The following ZNF658 variants were observed in gnomAD, a reference collection of about 807,000 sequenced individuals.
The protein encoded by ZNF658 is zinc finger protein 658.
A neutral mutation model predicts 78.0 loss-of-function variants in ZNF658; 46 were observed. The ratio of observed to expected loss-of-function variants is 0.59; its 90% CI spans 0.47 to 0.75. ZNF658 has a LOEUF of 0.75. Ranked by LOEUF, ZNF658 falls within the 30% of genes least tolerant of loss-of-function variation. The pLI, the probability that ZNF658 is intolerant of heterozygous loss-of-function variation, is 0.00. For synonymous variants in ZNF658, 279 were observed against 408.4 expected (o/e 0.68, Z 3.82); for missense variants, 785 against 1,189.3 (o/e 0.66, Z 5.00).
chr9:66,929,538 T>A (rs1822619579), intron 6 of ZNF658, among the ~76,000 whole-genome samples: 2 of 151,904 alleles, frequency 1.3e-5, no homozygotes, highest in Admixed American at 1.3e-4. Flanking sequence ...TCTGGAATGT[T>A]TCTTCCAGGA....
intron 2 of ZNF658, among the ~76,000 whole-genome samples, chr9:66,904,712 A>T (rs1822033357): frequency 6.6e-6 from 1 of 152,086 alleles, no homozygotes; most frequent in South Asian, 2.1e-4. Context: ...TCTGAGCCCC[A>T]AACAACCACT....
At chr9:66,902,893 TTTTTTCTA>T (rs1821985257) in intron 1 of ZNF658, 1 of 151,910 alleles carries the variant, frequency 6.6e-6, no homozygotes, top group Non-Finnish European at 1.5e-5. Context: ...TATTTTTTAT[TTTTTTCTA>T]TTTTTAGTAG....
chr9:66,914,150 T>C (rs1822279191), intron 4 of ZNF658, among the ~76,000 whole-genome samples: 1 of 151,490 alleles, frequency 6.6e-6, no homozygotes, highest in African/African-American at 2.5e-5. Flanking sequence ...AGTCTTCCAG[T>C]CCATACACAA....
At chr9:66,909,321 G>C (rs949297911) in intron 4 of ZNF658, among the ~76,000 whole-genome samples, 2 of 151,084 alleles carry the variant, frequency 1.3e-5, no homozygotes, top group African/African-American at 4.9e-5. Context: ...GCCTATTTTA[G>C]ACATTTTGTA....
At chr9:66,922,429 C>T (rs1411770443), downstream of ZNF658, among the ~76,000 whole-genome samples, 1 of 146,476 alleles carries the variant, frequency 6.8e-6, no homozygotes, top group Non-Finnish European at 1.5e-5. Context: ...CTGCGTCACT[C>T]ACGCTGGGAG....
chr9:66,903,310 C>G (rs1449334398), intron 1 of ZNF658: 1 of 504,446 alleles, frequency 2.0e-6, no homozygotes, highest in African/African-American at 1.9e-5. Context: ...AAGGGACATT[C>G]TGCATTGGGA....
chr9:66,927,302 A>G (rs1430357256), intron 6 of ZNF658, among the ~76,000 whole-genome samples: 3 of 150,800 alleles, frequency 2.0e-5, no homozygotes, highest in East Asian at 2.0e-4. Context: ...CAAAACCACA[A>G]TGAAATATTT....
At position 66,921,426 on chromosome 9, in the gene ZNF658, A is replaced by G. The variant is rs1822524826; in HGVS notation, c.*680A>G. 6.6e-6 allele frequency: 1 copy of G among 150,926 alleles called. No homozygotes were observed. The highest frequency in any genetic ancestry group is 1.5e-5 in the Non-Finnish European group (1 of 67,778). The allele number at this position is 150,926 out of a possible 1,614,324, so 9.3% of individuals were successfully genotyped here. A position where few individuals can be genotyped will look rare whatever the true frequency, so the allele number is the denominator to read the frequency against. On this transcript the variant is annotated 3_prime_UTR_variant, in exon 5 of 5. Coordinates refer to ENST00000621410, the MANE Select transcript of ZNF658 (RefSeq NM_033160.7). The stretch of plus-strand genomic sequence containing the variant: ...TAATAAAATTTCATATTTTGAATAA[A>G]TGACATTTTTCCTAGGTATTTTTTT...
chr9:66,913,576 AAT>A (rs1208425011), intron 4 of ZNF658, among the ~76,000 whole-genome samples: 2 of 152,132 alleles, frequency 1.3e-5, no homozygotes, highest in African/African-American at 4.8e-5. Flanking sequence ...ACTAAAACTG[AAT>A]ATTAATTTTG....
At chr9:66,915,849 CT>C (rs1431247306) in intron 4 of ZNF658, among the ~76,000 whole-genome samples, 1 of 131,432 alleles carries the variant, frequency 7.6e-6, no homozygotes, top group Non-Finnish European at 1.6e-5. Context: ...AATGTCCTGT[CT>C]TTATCTAGTT....
intron 4 of ZNF658, among the ~76,000 whole-genome samples, chr9:66,909,414 T>A (rs1822161375): frequency 6.6e-6 from 1 of 150,922 alleles, no homozygotes; most frequent in Admixed American, 6.6e-5. Flanking sequence ...AATACATGTT[T>A]CATTCTTTTT....
chr9:66,901,564 A>T (rs1383208306), intron 1 of ZNF658, among the ~76,000 whole-genome samples: 5 of 151,706 alleles, frequency 3.3e-5, no homozygotes, highest in Admixed American at 1.3e-4. Flanking sequence ...ATCCTCTTGT[A>T]CTGTTCCCGC....
At chr9:66,908,055 TAGAG>T (rs1822120467) in intron 2 of ZNF658, among the ~76,000 whole-genome samples, 179 bp from the exon 3 acceptor site, 1 of 151,230 alleles carries the variant, frequency 6.6e-6, no homozygotes, top group Admixed American at 6.6e-5. Flanking sequence ...CATAAATACA[TAGAG>T]AAATTATGGC....
chr9:66,907,646 A>T (rs574993608), intron 2 of ZNF658, among the ~76,000 whole-genome samples: 15 of 152,330 alleles, frequency 9.8e-5, no homozygotes, highest in Non-Finnish European at 1.9e-4. Flanking sequence ...TTTTTTTAAA[A>T]GGAGCTTCTC....
intron 1 of ZNF658, among the ~76,000 whole-genome samples, chr9:66,901,992 A>G (rs567387765): frequency 1.0e-3 from 159 of 152,304 alleles, no homozygotes; most frequent in African/African-American, 3.8e-3. Flanking sequence ...TAAAAAGAAG[A>G]GGCAGGCAAA....
chr9:66,916,463 T>G (rs1241825166), intron 4 of ZNF658, among the ~76,000 whole-genome samples: 2 of 146,682 alleles, frequency 1.4e-5, no homozygotes, highest in Non-Finnish European at 3.0e-5. Context: ...TCTTACAGTC[T>G]AGAATATAGT....
Position 66,908,438 on chromosome 9 carries a change from C to T in ZNF658, c.142+74C>T, listed in dbSNP as rs552813376. 4.4e-5 allele frequency: 70 copies of T among 1,599,746 alleles called. No individual in the cohort carries two copies. In the East Asian group the frequency reaches 1.5e-3, roughly 33 times the overall value. ...TAAAAAGTATCAAAACACATGGACC[C>T]TTTATAGAGATTAAAGGGCTTTGGA... On this transcript the variant is annotated intron_variant, in intron 3 of 4. Transcript: ENST00000621410.
rs1208708730 is a variant in ZNF658, at chr9:66,903,252, A to C, written c.-44-266A>C. The C allele has an allele frequency of 2.4e-5, 9 of 378,804 alleles. No individual in the cohort carries two copies. In the Admixed American group the frequency reaches 2.4e-4, roughly 10 times the overall value. The allele number at this position is 378,804 out of a possible 1,614,324, so 23.5% of individuals were successfully genotyped here. On this transcript the variant is annotated intron_variant, in intron 1 of 4. Coordinates refer to ENST00000621410, the MANE Select transcript of ZNF658 (RefSeq NM_033160.7). Reference sequence around the variant, plus strand: ...AATCGTATCAGAGATGCACATATTCAGGTGTGGCTATCTTTGAGTGGTCCT... The same window carrying C: ...AATCGTATCAGAGATGCACATATTCCGGTGTGGCTATCTTTGAGTGGTCCT...
Position 66,917,915 on chromosome 9 carries a change from A to G in ZNF658, c.349A>G (p.Lys117Glu), listed in dbSNP as rs565007804. ...ADKTLSKEGQ[K>E]VLEKPFNLEI... ...CAAAACATTGAGTAAAGAAGGACAG[A>G]AAGTTTTAGAAAAACCATTTAATCT... Residue 117 changes from lysine (K) to glutamate (E), a missense_variant, in exon 5 of 5, where the codon AAA becomes GAA. This residue lies in a region of ZNF658 where 54 missense variants were observed against 48.9 expected (regional missense o/e 1.10). Coordinates refer to ENST00000621410, the MANE Select transcript of ZNF658 (RefSeq NM_033160.7). 1.5e-5 allele frequency: 24 copies of G among 1,610,354 alleles called. No individual in the cohort carries two copies. In the Admixed American group the frequency reaches 2.8e-4, roughly 19 times the overall value.
Sources: gnomAD v4.1 joint callset for allele counts (sites outside exome capture counted in the v4.1 genomes callset) on GRCh38, gnomAD v4.1.1 for gene constraint, gnomAD v4.1.1 regional missense constraint, MANE v1.5 for transcripts, NCBI Gene and HGNC (gene_info 2026-07-23, HGNC 2026-07-21) for gene names.